HYAL4: variants seen among roughly 807,000 people sequenced by gnomAD.
HYAL4 encodes hyaluronidase-4.
In HYAL4, 37 loss-of-function variants were observed where a neutral mutation model predicts 35.2. That is an observed-to-expected ratio of 1.05 (90% confidence interval 0.81 to 1.38). HYAL4 has a LOEUF of 1.38. Ranked by LOEUF, HYAL4 falls within the 40% of genes most tolerant of loss-of-function variation. HYAL4 has a pLI of 0.00. For synonymous variants in HYAL4, 198 were observed against 203.2 expected (o/e 0.97, Z 0.22); for missense variants, 572 against 572.4 (o/e 1.00, Z 0.01).
chr7:123,795,549 C>T, the HYAL4 span, among the ~76,000 whole-genome samples: 1 of 152,124 alleles, frequency 6.6e-6, no homozygotes, highest in African/African-American at 2.4e-5. Context: ...TGAGTTCTCA[C>T]AAGATCTGAT....
At position 123,868,917 on chromosome 7, in the gene HYAL4, G is replaced by T; in HGVS notation, c.644G>T (p.Trp215Leu). Residue 215 changes from tryptophan to leucine, a missense_variant, in exon 3 of 5, where the codon TGG becomes TTG. Physicochemically the swap from Trp to Leu is moderately conservative, Grantham distance 61. Coordinates refer to ENST00000223026, the MANE Select transcript of HYAL4 (RefSeq NM_012269.3). ...LGIKSRPKGL[W>L]GYYLYPDCHN... is the part of the protein sequence containing the mutation. ...ATTAAGAGCCGACCCAAAGGCCTTT[G>T]GGGTTATTATTTATATCCTGATTGC... The T allele has an allele frequency of 6.2e-7, 1 of 1,614,098 alleles. No individual in the cohort carries two copies. Among genetic ancestry groups the T allele is most frequent in the Non-Finnish European group, 8.5e-7 (1 of 1,180,016 alleles).
At chr7:123,865,842 A>G (rs1299283856) in intron 2 of HYAL4, among the ~76,000 whole-genome samples, 1 of 152,184 alleles carries the variant, frequency 6.6e-6, no homozygotes, top group African/African-American at 2.4e-5. Context: ...ATTTATAAAG[A>G]AAAAGAGAGT....
intron 2 of HYAL4, among the ~76,000 whole-genome samples, chr7:123,852,140 CT>C (rs1335272102): frequency 2.6e-5 from 4 of 152,074 alleles, no homozygotes; most frequent in African/African-American, 9.7e-5. Flanking sequence ...GGATATTAAC[CT>C]TTTGTCAGAT....
At chr7:123,805,810 C>CT in the HYAL4 span, among the ~76,000 whole-genome samples, 1 of 151,886 alleles carries the variant, frequency 6.6e-6, no homozygotes, top group East Asian at 1.9e-4. Flanking sequence ...AATCAGCAGG[C>CT]TTTTTTGGTA....
At chr7:123,798,399 G>C in the HYAL4 span, among the ~76,000 whole-genome samples, 1 of 152,268 alleles carries the variant, frequency 6.6e-6, no homozygotes, top group South Asian at 2.1e-4. Context: ...AAGAGAGAGA[G>C]AGAGAGATTA....
chr7:123,791,199 A>G, the HYAL4 span, among the ~76,000 whole-genome samples: 11 of 152,310 alleles, frequency 7.2e-5, no homozygotes, highest in Admixed American at 5.9e-4. Context: ...ATGGTGCCAC[A>G]GTGTTTTTCA....
the HYAL4 span, among the ~76,000 whole-genome samples, chr7:123,792,154 A>G: frequency 1.6e-5 from 1 of 64,306 alleles, no homozygotes; most frequent in African/African-American, 5.5e-5. Context: ...AAATAGGGGG[A>G]AAAAAATCAA....
chr7:123,809,246 C>T, the HYAL4 span, among the ~76,000 whole-genome samples: 1 of 152,292 alleles, frequency 6.6e-6, no homozygotes, highest in Admixed American at 6.5e-5. Flanking sequence ...CTTAAAATCT[C>T]CAATCAAGAG....
At chr7:123,785,241 AC>A in the HYAL4 span, among the ~76,000 whole-genome samples, 1 of 151,804 alleles carries the variant, frequency 6.6e-6, no homozygotes, top group East Asian at 1.9e-4. The surrounding 1 kb of genome is among the most constrained non-coding windows in gnomAD (Gnocchi z 4.5). Context: ...GCACGCCACC[AC>A]GCCTGGTTAT....
chr7:123,764,490 G>A, the HYAL4 span, among the ~76,000 whole-genome samples: 1 of 152,164 alleles, frequency 6.6e-6, no homozygotes, highest in Non-Finnish European at 1.5e-5. Context: ...GAATATGTAT[G>A]TTTTTCATGA....
intron 3 of HYAL4, among the ~76,000 whole-genome samples, chr7:123,874,383 A>T (rs1806955136): frequency 1.3e-5 from 2 of 152,084 alleles, no homozygotes; most frequent in Non-Finnish European, 2.9e-5. Context: ...CTCAGACTCT[A>T]ATCCTAATCC....
chr7:123,799,726 G>T, the HYAL4 span, among the ~76,000 whole-genome samples: 5 of 152,106 alleles, frequency 3.3e-5, no homozygotes, highest in South Asian at 1.0e-3. Context: ...CATGTTTCTT[G>T]TTCTTTTTGT....
At chr7:123,785,455 T>C in the HYAL4 span, among the ~76,000 whole-genome samples, 99 of 152,296 alleles carry the variant, frequency 6.5e-4, no homozygotes, top group African/African-American at 2.2e-3. The surrounding 1 kb of genome is among the most constrained non-coding windows in gnomAD (Gnocchi z 4.5). Context: ...CTACCTGTTA[T>C]ATGAGGCAGT....
chr7:123,827,088 G>T (rs909163934), upstream of HYAL4, among the ~76,000 whole-genome samples: 2 of 152,058 alleles, frequency 1.3e-5, no homozygotes, highest in Non-Finnish European at 2.9e-5. Flanking sequence ...GGTCTGGGTG[G>T]TACACATTTG....
intron 2 of HYAL4, 62 bp from the exon 3 acceptor site, chr7:123,868,161 A>G (rs1465263769): frequency 2.6e-5 from 13 of 491,252 alleles, no homozygotes; most frequent in African/African-American, 2.6e-4. Context: ...AATAATATCT[A>G]TTTATTATTT....
chr7:123,828,735 G>C (rs1022107525), upstream of HYAL4, among the ~76,000 whole-genome samples: 13 of 152,054 alleles, frequency 8.5e-5, no homozygotes, highest in Admixed American at 1.3e-4. Flanking sequence ...TCTTCACCTG[G>C]AAATGATACG....
chr7:123,837,788 G>A (rs1054924941), intron 1 of HYAL4, among the ~76,000 whole-genome samples: 10 of 150,324 alleles, frequency 6.7e-5, no homozygotes, highest in Non-Finnish European at 1.2e-4. Context: ...TTGTCCTTGC[G>A]ATAGTTTGCT....
At chr7:123,847,803 T>G (rs1806206959) in intron 1 of HYAL4, among the ~76,000 whole-genome samples, 1 of 152,176 alleles carries the variant, frequency 6.6e-6, no homozygotes, top group Non-Finnish European at 1.5e-5. Flanking sequence ...TAATACATGC[T>G]TTAGTACACA....
chr7:123,767,944 A>C, the HYAL4 span, among the ~76,000 whole-genome samples: 3 of 152,222 alleles, frequency 2.0e-5, no homozygotes, highest in East Asian at 5.8e-4. Flanking sequence ...CAAATAAACA[A>C]TGAATAACTT....
Sources: gnomAD v4.1 joint callset for allele counts (sites outside exome capture counted in the v4.1 genomes callset) on GRCh38, gnomAD v4.1.1 for gene constraint, Gnocchi (gnomAD v3.1) non-coding constraint, MANE v1.5 for transcripts, NCBI Gene and HGNC (gene_info 2026-07-23, HGNC 2026-07-21) for gene names.